ACSM1: variants seen among roughly 807,000 people sequenced by gnomAD.
ACSM1 encodes acyl-coenzyme A synthetase ACSM1, mitochondrial.
In ACSM1, 79 loss-of-function variants were observed where a neutral mutation model predicts 75.8. The ratio of observed to expected loss-of-function variants is 1.04; its 90% CI spans 0.87 to 1.26. The LOEUF is 1.26. Among genes scored for constraint, ACSM1 ranks in the 50% most tolerant of loss-of-function variants. The pLI, the probability that ACSM1 is intolerant of heterozygous loss-of-function variation, is 0.00. For synonymous variants in ACSM1, 279 were observed against 265.8 expected (o/e 1.05, Z -0.48); for missense variants, 676 against 720.1 (o/e 0.94, Z 0.70).
chr16:20,629,659 C>T (rs553496370), intron 10 of ACSM1, among the ~76,000 whole-genome samples: 1 of 152,120 alleles, frequency 6.6e-6, no homozygotes, highest in Non-Finnish European at 1.5e-5. Context: ...AAAACACGAT[C>T]CAAATATACA....
At chr16:20,675,972 A>G (rs760684051) in intron 4 of ACSM1, among the ~76,000 whole-genome samples, 1 of 152,218 alleles carries the variant, frequency 6.6e-6, no homozygotes, top group Non-Finnish European at 1.5e-5. Flanking sequence ...TACGGAGACA[A>G]AAGAAAAGTC....
rs1044402402 is a variant in ACSM1, at chr16:20,637,374, G to T, written c.1194C>A (p.Val398=). The change falls in exon 9 of 14, where the codon GTC becomes GTA. Residue 398 remains valine (V), a synonymous_variant. Transcript: ENST00000520010. ...FMGKATPPYD[V]QVIDDKGSIL... Reference sequence around the variant, plus strand: ...GCCAATGCCCTTAGGACCAGACCTGGACGTCGTAGGGTGGAGTGGCCTTCC... The same window carrying T: ...GCCAATGCCCTTAGGACCAGACCTGTACGTCGTAGGGTGGAGTGGCCTTCC... 6.2e-7 allele frequency: 1 copy of T among 1,614,080 alleles called. No individual in the cohort carries two copies. The highest frequency in any genetic ancestry group is 1.3e-5 in the African/African-American group (1 of 75,030).
chr16:20,661,983 T>G, intron 6 of ACSM1, 110 bp from the exon 7 acceptor site: 1 of 621,144 alleles, frequency 1.6e-6, no homozygotes, highest in South Asian at 2.2e-5. Context: ...CATTTGTTAA[T>G]TTCTTAATCC....
chr16:20,666,128 C>G (rs2019553398), intron 6 of ACSM1, among the ~76,000 whole-genome samples: 1 of 151,918 alleles, frequency 6.6e-6, no homozygotes. Flanking sequence ...GAAGTCCTAC[C>G]CAAAGCAATC....
At chr16:20,672,434 G>C (rs2019967836) in intron 4 of ACSM1, among the ~76,000 whole-genome samples, 1 of 54,860 alleles carries the variant, frequency 1.8e-5, no homozygotes, top group African/African-American at 7.8e-5. Flanking sequence ...GGGTGACAGA[G>C]CAAAACTCCA....
chr16:20,658,803 C>T (rs541305271), intron 7 of ACSM1, among the ~76,000 whole-genome samples: 10 of 151,528 alleles, frequency 6.6e-5, no homozygotes, highest in South Asian at 4.2e-4. Flanking sequence ...ACAAATTGGC[C>T]GGAAAAGAGA....
chr16:20,666,575 C>T (rs999962527), intron 6 of ACSM1, among the ~76,000 whole-genome samples: 2 of 151,870 alleles, frequency 1.3e-5, no homozygotes, highest in African/African-American at 2.4e-5. Context: ...AGATTCAATG[C>T]TATGCCTATT....
intron 4 of ACSM1, 137 bp downstream of exon 4, chr16:20,682,119 C>T (rs1455450706): frequency 3.8e-6 from 3 of 798,744 alleles, no homozygotes; most frequent in African/African-American, 1.7e-5. Context: ...GGGCTCAGTC[C>T]TTTGGATGTT....
chr16:20,623,490 A>G lies in ACSM1; in HGVS notation c.1730T>C (p.Met577Thr), dbSNP rs749567254. 1 of 1,614,074 alleles carries G rather than the reference A, an allele frequency of 6.2e-7. No homozygotes were observed. The highest frequency in any genetic ancestry group is 2.2e-5 in the East Asian group (1 of 44,874). ...GCGTTCTGAGTTCACTGCCGATTAC[A>G]TCTGACCAGTCTCCTTTTTCCGAAG... ...KELRKKETGQ[M>T] The change falls in exon 14 of 14, where the codon ATG (methionine) becomes ACG (threonine). Residue 577 changes from methionine (M) to threonine (T), a missense_variant. Physicochemically the swap from Met to Thr is moderately conservative, Grantham distance 81. Coordinates refer to ENST00000520010, the MANE Select transcript of ACSM1 (RefSeq NM_001318890.3).
At chr16:20,694,300 A>G (rs1188317938) in intron 1 of ACSM1, among the ~76,000 whole-genome samples, 1 of 152,222 alleles carries the variant, frequency 6.6e-6, no homozygotes, top group Non-Finnish European at 1.5e-5. Context: ...CCTTTGTTCT[A>G]TGTACTCTCC....
chr16:20,640,035 C>T (rs932806873), intron 8 of ACSM1, among the ~76,000 whole-genome samples: 1 of 152,362 alleles, frequency 6.6e-6, no homozygotes, highest in East Asian at 1.9e-4. Context: ...TTCACCCTGA[C>T]ATTTATAGCT....
At chr16:20,663,483 T>G (rs1466987407) in intron 6 of ACSM1, among the ~76,000 whole-genome samples, 1 of 152,166 alleles carries the variant, frequency 6.6e-6, no homozygotes, top group Admixed American at 6.5e-5. Context: ...CTGATTCCTT[T>G]GACTCCGCCG....
chr16:20,683,633 G>A (rs1485006545), intron 3 of ACSM1, among the ~76,000 whole-genome samples: 1 of 132,900 alleles, frequency 7.5e-6, no homozygotes, highest in Non-Finnish European at 1.6e-5. Flanking sequence ...AGCCCAGAGG[G>A]CTCAGCTCAA....
chr16:20,665,042 T>C lies in ACSM1; in HGVS notation c.913-3169A>G, dbSNP rs577057323. Reference sequence around the variant, plus strand: ...AGCACTAAATGCCTTCATTAAGAAGTTAGAAAGATCGCTAATTAAGAATCT... The same window carrying C: ...AGCACTAAATGCCTTCATTAAGAAGCTAGAAAGATCGCTAATTAAGAATCT... On this transcript the variant is annotated intron_variant, in intron 6 of 13. Coordinates refer to ENST00000520010, the MANE Select transcript of ACSM1 (RefSeq NM_001318890.3). 5.3e-5 allele frequency among the ~76,000 whole-genome samples: 8 copies of C among 152,156 alleles called. No homozygotes were observed. In the East Asian group the frequency reaches 1.5e-3, roughly 29 times the overall value.
intron 11 of ACSM1, among the ~76,000 whole-genome samples, chr16:20,626,308 A>C (rs2016919298): frequency 6.6e-6 from 1 of 152,142 alleles, no homozygotes; most frequent in Non-Finnish European, 1.5e-5. Context: ...ACTGCACTCC[A>C]GCCTGGGTGA....
intron 7 of ACSM1, among the ~76,000 whole-genome samples, chr16:20,642,386 C>T (rs1426464887): frequency 6.6e-6 from 1 of 152,204 alleles, no homozygotes; most frequent in Non-Finnish European, 1.5e-5. Flanking sequence ...TCTCTCTCCT[C>T]TTAATGGGTG....
intron 3 of ACSM1, among the ~76,000 whole-genome samples, chr16:20,684,936 A>C (rs182806408): frequency 4.6e-4 from 70 of 152,150 alleles, no homozygotes; most frequent in Non-Finnish European, 5.7e-4. Flanking sequence ...AGAATAAGAG[A>C]ATTTGTGAGG....
intron 5 of ACSM1, among the ~76,000 whole-genome samples, chr16:20,671,244 A>T (rs2019876759): frequency 6.6e-6 from 1 of 152,008 alleles, no homozygotes; most frequent in African/African-American, 2.4e-5. Flanking sequence ...TACTGTCTCT[A>T]CCCACATTTC....
chr16:20,679,922 C>T (rs1038182933), intron 4 of ACSM1: 1 of 152,124 alleles, frequency 6.6e-6, no homozygotes, highest in Non-Finnish European at 1.5e-5. Flanking sequence ...GGCCTATTTC[C>T]TTGTACTTTG....
Sources: allele counts gnomAD v4.1 joint callset (sites outside exome capture counted in the v4.1 genomes callset), GRCh38; gene constraint gnomAD v4.1.1; transcripts MANE v1.5; gene names NCBI Gene and HGNC (gene_info 2026-07-23, HGNC 2026-07-21).